Variants in C22orf39 observed in about 807,000 individuals in gnomAD.
C22orf39 encodes chromosome 22 open reading frame 39, also known as synaptic plasticity regulator PANTS.
Under a neutral mutation model 18.3 loss-of-function variants are expected in C22orf39, and 20 were observed. The observed-to-expected ratio is 1.09, with a 90% confidence interval of 0.77 to 1.59. The LOEUF (loss-of-function observed/expected upper bound fraction) is 1.59, where lower values mean the gene tolerates loss of function less well. C22orf39 is among the 40% of genes most tolerant of loss of function. The pLI, the probability that C22orf39 is intolerant of heterozygous loss-of-function variation, is 0.00. For synonymous variants in C22orf39, 63 were observed against 59.6 expected (o/e 1.06, Z -0.26); for missense variants, 195 against 156.1 (o/e 1.25, Z -1.33).
chr22:19,444,800 T>C (rs1260734132), intron 2 of C22orf39, among the ~76,000 whole-genome samples: 1 of 151,720 alleles, frequency 6.6e-6, no homozygotes, highest in East Asian at 1.9e-4. Flanking sequence ...GGGAGGAGTG[T>C]GTTAGGGAGA....
At position 19,441,955 on chromosome 22, in the gene C22orf39, T is replaced by TA. The variant is rs932890243; in HGVS notation, c.*2309dup. Reference sequence around the variant, plus strand: ...AACTACAAATGCACGCCACCATGCATAGCTCATTTATTTTTTGTAGAGATG... The same window carrying TA: ...AACTACAAATGCACGCCACCATGCATAAGCTCATTTATTTTTTGTAGAGATG... On this transcript the variant is annotated 3_prime_UTR_variant, in exon 3 of 3. Coordinates refer to ENST00000399562, the MANE Select transcript of C22orf39 (RefSeq NM_173793.5). 2 of 366,742 alleles carry TA rather than the reference T, an allele frequency of 5.5e-6. No individual in the cohort carries two copies. The highest frequency in any genetic ancestry group is 9.8e-6 in the Non-Finnish European group (2 of 204,078). 22.7% of individuals were successfully genotyped at this position (366,742 alleles called of 1,614,324 possible). A position where few individuals can be genotyped will look rare whatever the true frequency, so the allele number is the denominator to read the frequency against.
At chr22:19,445,635 T>G (rs1471715214) in intron 2 of C22orf39, among the ~76,000 whole-genome samples, 2 of 152,218 alleles carry the variant, frequency 1.3e-5, no homozygotes, top group East Asian at 3.8e-4. Context: ...CTGCTGTTAC[T>G]GTCATTTAGA....
chr22:19,447,541 G>C lies in C22orf39; in HGVS notation c.29C>G (p.Pro10Arg). The C allele has an allele frequency of 7.0e-7, 1 of 1,431,000 alleles. No homozygotes were observed. 88.6% of individuals were successfully genotyped at this position (1,431,000 alleles called of 1,614,324 possible). ...GGCGCGGTAGGCCTCGCAGGGGCGC[G>C]GCGGCTGCGGCGAGAGGCGGCGCCT... MADGSGWQP[P>R]RPCEAYRAEW... The change falls in exon 2 of 3, where the codon CCG (proline) becomes CGG (arginine). Residue 10 changes from proline (P) to arginine (R), a missense_variant. Physicochemically the swap from Pro to Arg is moderately radical, Grantham distance 103. Transcript: ENST00000399562.
intron 2 of C22orf39, among the ~76,000 whole-genome samples, chr22:19,445,825 C>T (rs568950697): frequency 1.3e-5 from 2 of 152,256 alleles, no homozygotes; most frequent in Middle Eastern, 3.4e-3. Flanking sequence ...CAGGTGTTTG[C>T]CACCATGCGT....
intron 2 of C22orf39, among the ~76,000 whole-genome samples, chr22:19,447,058 C>G (rs2089644436): frequency 6.6e-6 from 1 of 152,142 alleles, no homozygotes; most frequent in African/African-American, 2.4e-5. Flanking sequence ...TGGATGAAGG[C>G]TGGCTCCTGG....
At position 19,443,098 on chromosome 22, in the gene C22orf39, CTGTTCA is replaced by C; in HGVS notation, c.*1161_*1166del. ...AGCACAACCCCCACCCCCACCCCCA[CTGTTCA>C]CAGACACAGGGGCTCTTAGGGAGCA... On this transcript the variant is annotated 3_prime_UTR_variant, in exon 3 of 3. Transcript: ENST00000399562. The C allele has an allele frequency of 1.1e-6, 1 of 906,420 alleles. No homozygotes were observed. The highest frequency in any genetic ancestry group is 1.3e-6 in the Non-Finnish European group (1 of 760,018). The allele number at this position is 906,420 out of a possible 1,614,324, so 56.1% of individuals were successfully genotyped here. A position where few individuals can be genotyped will look rare whatever the true frequency, so the allele number is the denominator to read the frequency against.
Position 19,441,125 on chromosome 22 carries a change from G to C in C22orf39, c.*3140C>G, listed in dbSNP as rs1193605810. On this transcript the variant is annotated 3_prime_UTR_variant, in exon 3 of 3. Coordinates refer to ENST00000399562, the MANE Select transcript of C22orf39 (RefSeq NM_173793.5). ...TAACTCTACACAATTTTAACTTCAT[G>C]TATAGCCCTGTGTAACCACCAGTCA... The C allele has an allele frequency of 6.4e-6, 1 of 156,230 alleles. No individual in the cohort carries two copies. The highest frequency in any genetic ancestry group is 1.4e-5 in the Non-Finnish European group (1 of 70,594). 9.7% of individuals were successfully genotyped at this position (156,230 alleles called of 1,614,324 possible).
Position 19,447,517 on chromosome 22 carries a change from G to C in C22orf39, c.53C>G (p.Ala18Gly). 1 of 1,483,590 alleles carries C rather than the reference G, an allele frequency of 6.7e-7. No homozygotes were observed. Among genetic ancestry groups the C allele is most frequent in the Non-Finnish European group, 8.9e-7 (1 of 1,122,242 alleles). 91.9% of individuals were successfully genotyped at this position (1,483,590 alleles called of 1,614,324 possible). A position where few individuals can be genotyped will look rare whatever the true frequency, so the allele number is the denominator to read the frequency against. ...GGCGCTGCGGCAGAGCTTCCACTCG[G>C]CGCGGTAGGCCTCGCAGGGGCGCGG... ...QPPRPCEAYRAEWKLCRSARH... is the reference protein window; with the variant it reads ...QPPRPCEAYRGEWKLCRSARH... Residue 18 changes from alanine to glycine, a missense_variant, in exon 2 of 3, where the codon GCC becomes GGC. Transcript: ENST00000399562.
Position 19,444,250 on chromosome 22 carries a change from T to C in C22orf39, c.*15A>G, listed in dbSNP as rs1446682243. On this transcript the variant is annotated 3_prime_UTR_variant, in exon 3 of 3. Transcript: ENST00000399562. ...AGACTGAGGAAGCTGCACAGGCCAA[T>C]GGCAGGGATGCTTGTCACTCGTCCT... 2.5e-6 allele frequency: 4 copies of C among 1,573,964 alleles called. No homozygotes were observed. Among genetic ancestry groups the C allele is most frequent in the African/African-American group, 1.4e-5 (1 of 72,554 alleles).
chr22:19,445,298 T>G (rs1364926110), intron 2 of C22orf39, among the ~76,000 whole-genome samples: 1 of 152,196 alleles, frequency 6.6e-6, no homozygotes, highest in East Asian at 1.9e-4. Flanking sequence ...AACAATACAC[T>G]GTAGGCACTT....
At chr22:19,446,710 T>C (rs1343377402) in intron 2 of C22orf39, among the ~76,000 whole-genome samples, 1 of 152,106 alleles carries the variant, frequency 6.6e-6, no homozygotes. Flanking sequence ...CTCTCTCTTT[T>C]TTTTCCCCCC....
At chr22:19,446,991 T>C (rs1323479181) in intron 2 of C22orf39, among the ~76,000 whole-genome samples, 3 of 152,142 alleles carry the variant, frequency 2.0e-5, no homozygotes, top group East Asian at 3.9e-4. Context: ...ACCATCCACC[T>C]ACCCTCTGCT....
At position 19,444,204 on chromosome 22, in the gene C22orf39, T is replaced by C; in HGVS notation, c.*61A>G. On this transcript the variant is annotated 3_prime_UTR_variant, in exon 3 of 3. Transcript: ENST00000399562. Reference sequence around the variant, plus strand: ...GTAGGCTGGTCACAGTCCCCAGGGCTGTGCAACAGCAACTTGAAACAGACT... The same window carrying C: ...GTAGGCTGGTCACAGTCCCCAGGGCCGTGCAACAGCAACTTGAAACAGACT... 1 of 1,504,098 alleles carries C rather than the reference T, an allele frequency of 6.6e-7. No homozygotes were observed. Among genetic ancestry groups the C allele is most frequent in the Non-Finnish European group, 8.8e-7 (1 of 1,134,084 alleles). 93.2% of individuals were successfully genotyped at this position (1,504,098 alleles called of 1,614,324 possible). A position where few individuals can be genotyped will look rare whatever the true frequency, so the allele number is the denominator to read the frequency against.
rs2089613507 is a variant in C22orf39 at position 19,441,706 on chromosome 22, G to A, written c.*2559C>T. ...ACCACACTTAGCACCTGTCCAAAAA[G>A]TTTGAAAGATATTGCTCTTATTACA... On this transcript the variant is annotated 3_prime_UTR_variant, in exon 3 of 3. Transcript: ENST00000399562. 3 of 1,549,310 alleles carry A rather than the reference G, an allele frequency of 1.9e-6. No homozygotes were observed. Among genetic ancestry groups the A allele is most frequent in the Admixed American group, 2.0e-5 (1 of 50,596 alleles).
chr22:19,442,071 G>A lies in C22orf39; in HGVS notation c.*2194C>T, dbSNP rs1036471385. 1.7e-4 allele frequency: 30 copies of A among 172,366 alleles called. No homozygotes were observed. The highest frequency in any genetic ancestry group is 1.8e-4 in the Non-Finnish European group (15 of 81,112). 10.7% of individuals were successfully genotyped at this position (172,366 alleles called of 1,614,324 possible). ...CTCCCAAAGTGCTGGGATAACAGCC[G>A]TGAGCCACCACATCCAGCCACCGTT... On this transcript the variant is annotated 3_prime_UTR_variant, in exon 3 of 3. Transcript: ENST00000399562.
At position 19,441,750 on chromosome 22, in the gene C22orf39, C is replaced by A; in HGVS notation, c.*2515G>T. The A allele has an allele frequency of 6.6e-7, 1 of 1,516,640 alleles. No individual in the cohort carries two copies. The highest frequency in any genetic ancestry group is 1.3e-5 in the South Asian group (1 of 78,782). 93.9% of individuals were successfully genotyped at this position (1,516,640 alleles called of 1,614,324 possible). On this transcript the variant is annotated 3_prime_UTR_variant, in exon 3 of 3. Transcript: ENST00000399562. ...TATTACAGTATTTGTTTTCTTCATA[C>A]CACCACCATAAAATACCAAACTGCT...
chr22:19,447,610 G>A, intron 1 of C22orf39, 55 bp downstream of exon 1: 2 of 1,590,008 alleles, frequency 1.3e-6, no homozygotes, highest in Non-Finnish European at 1.7e-6. Context: ...AGCCAGTCCC[G>A]TTCCCTCCCT....
At chr22:19,447,224 T>C (rs2089646032) in intron 2 of C22orf39, among the ~76,000 whole-genome samples, 154 bp downstream of exon 2, 1 of 152,198 alleles carries the variant, frequency 6.6e-6, no homozygotes, top group Non-Finnish European at 1.5e-5. Flanking sequence ...GTTGATATGC[T>C]AATTTACACA....
rs1473524769 is a variant in C22orf39, at chr22:19,447,296, C to A, written c.192+82G>T. 11 of 1,333,774 alleles carry A rather than the reference C, an allele frequency of 8.2e-6. 1 individual carries two copies. In the Admixed American group the frequency reaches 1.1e-4, roughly 14 times the overall value. The allele number at this position is 1,333,774 out of a possible 1,614,324, so 82.6% of individuals were successfully genotyped here. Reference sequence around the variant, plus strand: ...ACCCCGTCAGTCCCCGGCTAGGTCGCGGGGCATGGGGCGTGGAGGGGTGGG... The same window carrying A: ...ACCCCGTCAGTCCCCGGCTAGGTCGAGGGGCATGGGGCGTGGAGGGGTGGG... On this transcript the variant is annotated intron_variant, in intron 2 of 2. Coordinates refer to ENST00000399562, the MANE Select transcript of C22orf39 (RefSeq NM_173793.5).
Sources: gnomAD v4.1 joint callset for allele counts (sites outside exome capture counted in the v4.1 genomes callset) on GRCh38, gnomAD v4.1.1 for gene constraint, MANE v1.5 for transcripts, NCBI Gene and HGNC (gene_info 2026-07-23, HGNC 2026-07-21) for gene names.